BRSK2: variants seen among roughly 807,000 people sequenced by gnomAD.
BRSK2 encodes BR serine/threonine kinase 2.
In BRSK2, 19 loss-of-function variants were observed where a neutral mutation model predicts 83.3. The ratio of observed to expected loss-of-function variants is 0.23; its 90% CI spans 0.16 to 0.33. BRSK2 has a LOEUF of 0.33. Ranked by LOEUF, BRSK2 falls within the 10% of genes least tolerant of loss-of-function variation. The pLI, the probability that BRSK2 is intolerant of heterozygous loss-of-function variation, is 1.00. For missense variants in BRSK2, 798 were observed against 1,042.3 expected (o/e 0.77, Z 3.23); for synonymous variants, 519 against 435.4 (o/e 1.19, Z -2.39).
intron 1 of BRSK2, among the ~76,000 whole-genome samples, chr11:1,408,792 GGTGT>G (rs1847104151): frequency 7.0e-6 from 1 of 142,180 alleles, no homozygotes; most frequent in African/African-American, 2.6e-5. Flanking sequence ...GCTGTGCAAG[GGTGT>G]GTGTTTGCCT....
intron 1 of BRSK2, among the ~76,000 whole-genome samples, chr11:1,404,020 C>G (rs1289772277): frequency 1.3e-5 from 2 of 152,180 alleles, no homozygotes; most frequent in African/African-American, 2.4e-5. Context: ...AAGCCCCTGC[C>G]CCTCTCCTGG....
intron 2 of BRSK2, among the ~76,000 whole-genome samples, chr11:1,437,640 G>A (rs1305435425): frequency 6.6e-6 from 1 of 152,200 alleles, no homozygotes; most frequent in Non-Finnish European, 1.5e-5. Context: ...CCTACTGTAT[G>A]TCCCACACAC....
rs577288602 is a variant in BRSK2, at chr11:1,438,320, C to A, written c.201C>A (p.Ile67=). The A allele has an allele frequency of 6.2e-7, 1 of 1,614,046 alleles. No homozygotes were observed. The highest frequency in any genetic ancestry group is 1.7e-5 in the Admixed American group (1 of 60,026). Residue 67 remains isoleucine (I), a synonymous_variant, in exon 3 of 20, where the codon ATC becomes ATA. Transcript: ENST00000528841. This position sits in a 1 kb window ranked among gnomAD's most constrained non-coding sequence, Gnocchi z 6.4. The part of the protein sequence containing the change: ...ESVLMKVERE[I]AILKLIEHPH... Reference sequence around the variant, plus strand: ...CTCCCATGCAGGTGGAGCGGGAGATCGCGATCCTGAAGCTCATTGAGCACC... The same window carrying A: ...CTCCCATGCAGGTGGAGCGGGAGATAGCGATCCTGAAGCTCATTGAGCACC...
At chr11:1,417,206 C>T (rs1326781318) in intron 1 of BRSK2, among the ~76,000 whole-genome samples, 1 of 152,110 alleles carries the variant, frequency 6.6e-6, no homozygotes, top group Admixed American at 6.6e-5. Context: ...TTGCTCTTTC[C>T]TGTATTGAGG....
chr11:1,404,415 A>G (rs1105470), intron 1 of BRSK2, among the ~76,000 whole-genome samples: 37,484 of 152,132 alleles, frequency 0.25, 4,889 homozygotes, highest in Middle Eastern at 0.43. Flanking sequence ...GCCTCCCAGG[A>G]CAGACGTCCC....
At chr11:1,394,931 G>A (rs1249562885) in intron 1 of BRSK2, among the ~76,000 whole-genome samples, 1 of 148,342 alleles carries the variant, frequency 6.7e-6, no homozygotes, top group Non-Finnish European at 1.5e-5. Flanking sequence ...CCTGGAGATG[G>A]GTCCTGGAGA....
chr11:1,447,834 G>A (rs748486756), intron 12 of BRSK2: 4 of 1,597,482 alleles, frequency 2.5e-6, no homozygotes, highest in Non-Finnish European at 3.4e-6. Context: ...ATATCGCTGA[G>A]GCCCATCCCC....
intron 12 of BRSK2, among the ~76,000 whole-genome samples, chr11:1,446,827 G>C (rs375237017): frequency 7.6e-4 from 115 of 152,310 alleles, no homozygotes; most frequent in Non-Finnish European, 1.4e-3. Context: ...CCAGGAGCCC[G>C]GGCAGCAGTC....
chr11:1,395,935 CTG>C (rs1846054127), intron 1 of BRSK2, among the ~76,000 whole-genome samples: 1 of 152,204 alleles, frequency 6.6e-6, no homozygotes, highest in Admixed American at 6.5e-5. Flanking sequence ...AGGGCCTGGG[CTG>C]TGATGTGAGG....
chr11:1,460,918 C>G lies in BRSK2; in HGVS notation c.*195C>G. 1 of 1,610,790 alleles carries G rather than the reference C, an allele frequency of 6.2e-7. No individual in the cohort carries two copies. The highest frequency in any genetic ancestry group is 8.5e-7 in the Non-Finnish European group (1 of 1,178,720). On this transcript the variant is annotated 3_prime_UTR_variant, in exon 20 of 20. Transcript: ENST00000528841. ...CGCGCCCGCTCTCTTTTCTCTCTGT[C>G]TCTGCCTCTGCCTGTCTCTGACAGC...
At chr11:1,445,966 C>T (rs1174949801) in intron 12 of BRSK2, 59 bp downstream of exon 12, 33 of 1,532,702 alleles carry the variant, frequency 2.2e-5, no homozygotes, top group Non-Finnish European at 2.8e-5. Context: ...CGCGGCACTG[C>T]CGCCTGGCTC....
chr11:1,415,016 G>A (rs1409302845), intron 1 of BRSK2, among the ~76,000 whole-genome samples: 4 of 152,118 alleles, frequency 2.6e-5, no homozygotes, highest in Admixed American at 6.5e-5. Context: ...CGCTGTGGAC[G>A]TGTGTGTGAG....
chr11:1,458,484 T>C (rs1846938224), intron 18 of BRSK2, among the ~76,000 whole-genome samples: 2 of 152,036 alleles, frequency 1.3e-5, no homozygotes, highest in African/African-American at 4.8e-5. Flanking sequence ...TGGATGCTTT[T>C]GTCCAGTGAG....
chr11:1,420,717 G>C (rs1412324072), intron 1 of BRSK2, among the ~76,000 whole-genome samples: 5 of 152,112 alleles, frequency 3.3e-5, no homozygotes, highest in African/African-American at 9.7e-5. Context: ...CCTCCTCCCT[G>C]CAGCCTCCTC....
intron 1 of BRSK2, among the ~76,000 whole-genome samples, chr11:1,426,599 C>T (rs576136732): frequency 2.6e-5 from 4 of 152,060 alleles, no homozygotes; most frequent in South Asian, 2.1e-4. Flanking sequence ...GAAGGTGCCG[C>T]GTGTCTTCTC....
rs1001539673 is a variant in BRSK2, at chr11:1,462,525, C to T, written c.*1802C>T. 2.0e-5 allele frequency: 3 copies of T among 152,254 alleles called. No individual in the cohort carries two copies. The highest frequency in any genetic ancestry group is 6.5e-5 in the Admixed American group (1 of 15,290). The allele number at this position is 152,254 out of a possible 1,614,324, so 9.4% of individuals were successfully genotyped here. On this transcript the variant is annotated 3_prime_UTR_variant, in exon 20 of 20. Coordinates refer to ENST00000528841, the MANE Select transcript of BRSK2 (RefSeq NM_001256627.2). ...GCGGGAAGGGGCTCTCCACGGAGAT[C>T]GAGGACACGAAGCAAACTGCCTCTT...
intron 15 of BRSK2, among the ~76,000 whole-genome samples, chr11:1,453,487 A>G (rs913298309): frequency 2.0e-5 from 3 of 152,170 alleles, no homozygotes; most frequent in Non-Finnish European, 4.4e-5. Flanking sequence ...GGGCTGGGGT[A>G]AGGTCAGGGC....
chr11:1,408,569 T>C (rs547063266), intron 1 of BRSK2, among the ~76,000 whole-genome samples: 32 of 152,270 alleles, frequency 2.1e-4, no homozygotes, highest in African/African-American at 7.2e-4. Flanking sequence ...GCCTGGACCC[T>C]CAAGGACACC....
intron 1 of BRSK2, among the ~76,000 whole-genome samples, chr11:1,392,781 C>T (rs1466462809): frequency 6.6e-6 from 1 of 152,202 alleles, no homozygotes; most frequent in Non-Finnish European, 1.5e-5. Context: ...CATGGTCTCA[C>T]CTGTACGGCA....
Sources: gnomAD v4.1 joint callset for allele counts (sites outside exome capture counted in the v4.1 genomes callset) on GRCh38, gnomAD v4.1.1 for gene constraint, Gnocchi (gnomAD v3.1) non-coding constraint, MANE v1.5 for transcripts, NCBI Gene and HGNC (gene_info 2026-07-23, HGNC 2026-07-21) for gene names.